The following C1QTNF3 variants were observed in gnomAD, a reference collection of about 807,000 sequenced individuals.
The protein encoded by C1QTNF3 is complement C1q tumor necrosis factor-related protein 3.
C1QTNF3 carries 26 observed loss-of-function variants against 32.6 expected under a neutral mutation model. That is an observed-to-expected ratio of 0.80 (90% confidence interval 0.58 to 1.11). The LOEUF (loss-of-function observed/expected upper bound fraction) is 1.11, where lower values mean the gene tolerates loss of function less well. Among genes scored for constraint, C1QTNF3 ranks in the 50% least tolerant of loss-of-function variants. The pLI, the probability that C1QTNF3 is intolerant of heterozygous loss-of-function variation, is 0.00. For missense variants in C1QTNF3, 362 were observed against 398.2 expected, an observed-to-expected ratio of 0.91 and a Z score of 0.77; for synonymous variants, 155 against 146.0, an observed-to-expected ratio of 1.06 and a Z score of -0.44.
At chr5:34,215,488 G>C in the C1QTNF3 span, among the ~76,000 whole-genome samples, 1 of 152,160 alleles carries the variant, frequency 6.6e-6, no homozygotes, top group South Asian at 2.1e-4. Context: ...GGAACCGGTG[G>C]CTTCTTTAAC....
At chr5:34,161,962 C>T in the C1QTNF3 span, among the ~76,000 whole-genome samples, 1 of 152,004 alleles carries the variant, frequency 6.6e-6, no homozygotes, top group Non-Finnish European at 1.5e-5. Flanking sequence ...TTTTTCTAAT[C>T]CATGCATCAA....
chr5:34,165,249 A>G, the C1QTNF3 span: 1 of 152,106 alleles, frequency 6.6e-6, no homozygotes. Flanking sequence ...ACTTGGAGAA[A>G]GCTACTCTAC....
chr5:34,101,285 C>T, the C1QTNF3 span, among the ~76,000 whole-genome samples: 1 of 148,996 alleles, frequency 6.7e-6, no homozygotes, highest in East Asian at 2.0e-4. Context: ...AGTCAGATTG[C>T]TTGGGTTAAA....
At chr5:34,075,765 A>G in the C1QTNF3 span, among the ~76,000 whole-genome samples, 1 of 151,568 alleles carries the variant, frequency 6.6e-6, no homozygotes, top group East Asian at 1.9e-4. Flanking sequence ...TGAAATGCAG[A>G]GTCTCAAAGA....
the C1QTNF3 span, chr5:34,166,438 A>G: frequency 6.6e-6 from 1 of 152,080 alleles, no homozygotes; most frequent in Non-Finnish European, 1.5e-5. Context: ...AAAACAAAAA[A>G]CTTAATCTTG....
At chr5:34,060,674 G>A in the C1QTNF3 span, among the ~76,000 whole-genome samples, 2 of 152,124 alleles carry the variant, frequency 1.3e-5, no homozygotes, top group African/African-American at 2.4e-5. Context: ...AGAGGGCTTA[G>A]GCAGAGAAAC....
chr5:34,061,206 A>C, the C1QTNF3 span, among the ~76,000 whole-genome samples: 1 of 152,224 alleles, frequency 6.6e-6, no homozygotes, highest in Admixed American at 6.5e-5. Context: ...CATCCAGGTC[A>C]TGCTGATGCA....
At chr5:34,237,850 CCAG>C in the C1QTNF3 span, among the ~76,000 whole-genome samples, 1 of 152,134 alleles carries the variant, frequency 6.6e-6, no homozygotes, top group East Asian at 1.9e-4. Flanking sequence ...GGAGACTCCC[CCAG>C]GGCCCAGGAG....
At chr5:34,083,344 A>G in the C1QTNF3 span, among the ~76,000 whole-genome samples, 1 of 151,724 alleles carries the variant, frequency 6.6e-6, no homozygotes, top group Non-Finnish European at 1.5e-5. Flanking sequence ...AAAAACTACA[A>G]TACAACACCT....
At chr5:34,196,065 T>C in the C1QTNF3 span, among the ~76,000 whole-genome samples, 1 of 152,406 alleles carries the variant, frequency 6.6e-6, no homozygotes, top group Admixed American at 6.5e-5. Flanking sequence ...GCAGGCCCTC[T>C]TTAAGAAACA....
At chr5:34,056,589 T>C in the C1QTNF3 span, among the ~76,000 whole-genome samples, 2 of 149,914 alleles carry the variant, frequency 1.3e-5, no homozygotes, top group Admixed American at 6.6e-5. Flanking sequence ...CATGGTTCCC[T>C]GCAGCCTTGA....
At chr5:34,031,383 C>T (rs1255632660) in intron 3 of C1QTNF3, among the ~76,000 whole-genome samples, 5 of 152,184 alleles carry the variant, frequency 3.3e-5, no homozygotes, top group Admixed American at 1.3e-4. Flanking sequence ...GGCCCCTTCT[C>T]CGTGGTTTAC....
the C1QTNF3 span, among the ~76,000 whole-genome samples, chr5:34,112,974 G>A: frequency 1.3e-5 from 2 of 151,556 alleles, no homozygotes; most frequent in Non-Finnish European, 2.9e-5. Flanking sequence ...CTGGAAATTA[G>A]AGAGGGAAAG....
At chr5:34,121,170 T>C in the C1QTNF3 span, among the ~76,000 whole-genome samples, 2 of 152,190 alleles carry the variant, frequency 1.3e-5, no homozygotes, top group East Asian at 1.9e-4. Flanking sequence ...GGCAAATTCA[T>C]GAGATTAATT....
the C1QTNF3 span, among the ~76,000 whole-genome samples, chr5:34,144,252 G>A: frequency 6.6e-6 from 1 of 152,214 alleles, no homozygotes; most frequent in East Asian, 1.9e-4. Context: ...CAACATTGGA[G>A]CAACCAGATT....
chr5:34,075,045 T>A, the C1QTNF3 span, among the ~76,000 whole-genome samples: 2 of 151,780 alleles, frequency 1.3e-5, no homozygotes, highest in African/African-American at 4.9e-5. Flanking sequence ...TTTCAAAATA[T>A]ATGTAATTTT....
chr5:34,039,216 C>A (rs1029326786), intron 1 of C1QTNF3, among the ~76,000 whole-genome samples: 1 of 152,020 alleles, frequency 6.6e-6, no homozygotes, highest in African/African-American at 2.4e-5. Flanking sequence ...GACAACCCAC[C>A]CCAAGGGAAG....
chr5:34,083,637 A>ATG, the C1QTNF3 span, among the ~76,000 whole-genome samples: 73 of 151,856 alleles, frequency 4.8e-4, 1 homozygote, highest in East Asian at 0.014. Flanking sequence ...ACAAAAAGAC[A>ATG]TTCTGCTAAT....
chr5:34,167,255 C>G, the C1QTNF3 span: 1 of 152,186 alleles, frequency 6.6e-6, no homozygotes, highest in Non-Finnish European at 1.5e-5. Context: ...ATAGCCCCCA[C>G]TCATCTAATT....
Sources: gnomAD v4.1 joint callset for allele counts (sites outside exome capture counted in the v4.1 genomes callset) on GRCh38, gnomAD v4.1.1 for gene constraint, MANE v1.5 for transcripts, NCBI Gene and HGNC (gene_info 2026-07-23, HGNC 2026-07-21) for gene names.